CPAMD8: variants seen among roughly 807,000 people sequenced by gnomAD.
CPAMD8 encodes C3 and PZP-like alpha-2-macroglobulin domain-containing protein 8.
Under a neutral mutation model 224.7 loss-of-function variants are expected in CPAMD8, and 146 were observed. That is an observed-to-expected ratio of 0.65 (90% CI 0.57 to 0.75). The LOEUF (loss-of-function observed/expected upper bound fraction) is 0.75. Ranked by LOEUF, CPAMD8 falls within the 30% of genes least tolerant of loss-of-function variation. CPAMD8 has a pLI of 0.00. For missense variants in CPAMD8, 2,301 were observed against 2,537.5 expected, an observed-to-expected ratio of 0.91 and a Z score of 2.00; for synonymous variants, 966 against 1,044.6, an observed-to-expected ratio of 0.92 and a Z score of 1.45.
intron 13 of CPAMD8, among the ~76,000 whole-genome samples, chr19:16,986,564 A>C (rs2055728881): frequency 1.3e-5 from 2 of 152,220 alleles, no homozygotes; most frequent in African/African-American, 4.8e-5. Flanking sequence ...TCATTCTTAC[A>C]ACCTCTGCAA....
At chr19:16,963,732 GAA>G (rs2054729875) in intron 18 of CPAMD8, among the ~76,000 whole-genome samples, 1 of 152,126 alleles carries the variant, frequency 6.6e-6, no homozygotes, top group Non-Finnish European at 1.5e-5. Context: ...TAAATCAACA[GAA>G]TATACATTCT....
intron 25 of CPAMD8, among the ~76,000 whole-genome samples, chr19:16,927,593 A>AC (rs1335621079): frequency 6.7e-6 from 1 of 149,976 alleles, no homozygotes; most frequent in Non-Finnish European, 1.5e-5. Flanking sequence ...CATCACCAAG[A>AC]CCCCCCAGGC....
intron 19 of CPAMD8, among the ~76,000 whole-genome samples, chr19:16,953,282 A>C (rs527369939): frequency 1.3e-5 from 2 of 152,056 alleles, no homozygotes. Flanking sequence ...ACAGGGCAAA[A>C]GCTTCATGAC....
chr19:16,979,482 C>T lies in CPAMD8; in HGVS notation c.1585+1015G>A, dbSNP rs1186397270. ...TCCATCTGTCCATTCATCCATCCATCCATCCTTCTGTCCATCCATCTTTTG... is the reference window on the plus strand; with the variant it reads ...TCCATCTGTCCATTCATCCATCCATTCATCCTTCTGTCCATCCATCTTTTG... On this transcript the variant is annotated intron_variant, in intron 14 of 41. Coordinates refer to ENST00000443236, the MANE Select transcript of CPAMD8 (RefSeq NM_015692.5). Among the ~76,000 whole-genome samples the T allele has an allele frequency of 3.4e-5, 4 of 117,084 alleles. No individual in the cohort carries two copies. In the East Asian group the frequency reaches 8.3e-4, roughly 24 times the overall value. The allele number at this position is 117,084 out of a possible 152,430, so 76.8% of individuals were successfully genotyped here.
chr19:16,903,756 G>T lies in CPAMD8; in HGVS notation c.4353C>A (p.Tyr1451Ter). The T allele has an allele frequency of 1.9e-6, 3 of 1,614,198 alleles. No homozygotes were observed. Among genetic ancestry groups the T allele is most frequent in the Non-Finnish European group, 2.5e-6 (3 of 1,180,036 alleles). ...TVSLASTNLD[Y>*]QETFELHRTN... ...TCCTGTGCAGCTCGAAGGTTTCCTG[G>T]TAGTCCAGGTTGGTGGAGGCCAGGG... is the stretch of plus-strand genomic sequence containing the variant. Residue 1451 changes from tyrosine (Y) to a stop codon, truncating the protein, a stop_gained, in exon 33 of 42, where the codon TAC becomes TAA. Transcript: ENST00000443236. LOFTEE classifies it high-confidence loss of function.
At chr19:16,985,302 T>A (rs2055675221) in intron 13 of CPAMD8, among the ~76,000 whole-genome samples, 1 of 145,122 alleles carries the variant, frequency 6.9e-6, no homozygotes, top group Non-Finnish European at 1.5e-5. Context: ...AGGGTGCATG[T>A]ATGGATGGAT....
chr19:16,909,062 C>T (rs2052627468), intron 29 of CPAMD8, among the ~76,000 whole-genome samples: 1 of 152,110 alleles, frequency 6.6e-6, no homozygotes, highest in Non-Finnish European at 1.5e-5. Flanking sequence ...TTGCTGGTTG[C>T]CCCCCAGCTC....
intron 22 of CPAMD8, among the ~76,000 whole-genome samples, chr19:16,939,004 C>T (rs2053788799): frequency 6.6e-6 from 1 of 152,118 alleles, no homozygotes; most frequent in Admixed American, 6.5e-5. Flanking sequence ...AAAGGGATGC[C>T]CAGAATTTAA....
intron 15 of CPAMD8, among the ~76,000 whole-genome samples, chr19:16,977,144 G>T (rs6512152): frequency 6.6e-6 from 1 of 152,096 alleles, no homozygotes; most frequent in East Asian, 1.9e-4. Context: ...ATTCAACAAA[G>T]GCAGAGAATA....
chr19:16,914,259 A>G (rs1275881954), intron 29 of CPAMD8, among the ~76,000 whole-genome samples, 165 bp downstream of exon 29: 1 of 151,778 alleles, frequency 6.6e-6, no homozygotes, highest in Non-Finnish European at 1.5e-5. Flanking sequence ...ATTACAAGAA[A>G]CTGGATGTAA....
In CPAMD8 at chr19:16,915,205, AG is replaced by A. The variant is rs1459559110; in HGVS notation, c.3630-393del. 4.0e-5 allele frequency among the ~76,000 whole-genome samples: 6 copies of A among 151,250 alleles called. 1 individual carries two copies. In the East Asian group the frequency reaches 9.8e-4, roughly 25 times the overall value. ...TGCCAAAAGGCCCCTGATCTCATTC[AG>A]GGGCCAGCAGCCATGTGCCCTGGAG... On this transcript the variant is annotated intron_variant, in intron 27 of 41. Coordinates refer to ENST00000443236, the MANE Select transcript of CPAMD8 (RefSeq NM_015692.5).
At position 16,893,330 on chromosome 19, in the gene CPAMD8, G is replaced by A. The variant is rs748129087; in HGVS notation, c.5436C>T (p.Ala1812=). The part of the protein sequence containing the change: ...PEGEAEDRVT[A]GPRPPVSSGN... ...CGCTGCTCACAGGAGGCCGAGGCCC[G>A]GCTGTGACCCTGGAGATGAGGTTTT... Residue 1812 remains alanine, a synonymous_variant, in exon 42 of 42, where the codon GCC becomes GCT. Coordinates refer to ENST00000443236, the MANE Select transcript of CPAMD8 (RefSeq NM_015692.5). The A allele has an allele frequency of 1.7e-5, 26 of 1,530,770 alleles. No individual in the cohort carries two copies. In the Admixed American group the frequency reaches 2.6e-4, roughly 15 times the overall value. 94.8% of individuals were successfully genotyped at this position (1,530,770 alleles called of 1,614,324 possible).
chr19:17,002,655 C>T, intron 8 of CPAMD8: 1 of 253,590 alleles, frequency 3.9e-6, no homozygotes. Context: ...GGAGGCTCCT[C>T]CTAGCCCCTG....
At chr19:16,992,475 G>C (rs1447340572) in intron 12 of CPAMD8, among the ~76,000 whole-genome samples, 1 of 151,626 alleles carries the variant, frequency 6.6e-6, no homozygotes, top group East Asian at 1.9e-4. Flanking sequence ...TTTTTGAGAT[G>C]GAGTCTCACT....
At chr19:17,002,751 T>G (rs73499141) in intron 8 of CPAMD8, among the ~76,000 whole-genome samples, 1,775 of 152,140 alleles carry the variant, frequency 0.012, 32 homozygotes, top group African/African-American at 0.041. Flanking sequence ...TTTCTCCATT[T>G]GCTTCTGGAC....
chr19:16,897,789 G>T lies in CPAMD8; in HGVS notation c.4967C>A (p.Thr1656Asn). The T allele has an allele frequency of 6.3e-7, 1 of 1,585,572 alleles. No individual in the cohort carries two copies. The highest frequency in any genetic ancestry group is 1.8e-5 in the Admixed American group (1 of 54,752). The change falls in exon 39 of 42, where the codon ACT becomes AAT. Residue 1656 changes from threonine to asparagine, a missense_variant. Transcript: ENST00000443236. ...YDYYEPAFEA[T>N]RFYNVSTHSP... ...GTGGGTGCTGACGTTGTAGAAGCGAGTGGCCTCGAAGGCTACGGGACGAGG... is the reference window on the plus strand; with the variant it reads ...GTGGGTGCTGACGTTGTAGAAGCGATTGGCCTCGAAGGCTACGGGACGAGG...
intron 3 of CPAMD8, among the ~76,000 whole-genome samples, chr19:17,014,554 C>T (rs142008422): frequency 7.9e-5 from 12 of 152,270 alleles, no homozygotes; most frequent in Non-Finnish European, 1.3e-4. Context: ...CACAGTTTCA[C>T]GTGGCTGGGG....
In CPAMD8 at chr19:16,947,073, C is replaced by T; in HGVS notation, c.2662+1G>A. On this transcript the variant is annotated splice_donor_variant, in intron 21 of 41. Coordinates refer to ENST00000443236, the MANE Select transcript of CPAMD8 (RefSeq NM_015692.5). LOFTEE classifies it high-confidence loss of function. ...CACCCCAAGAACTGTGGGGTCCTCACCCGTGATGTTGTTGAGTCCCAGGTC... is the reference window on the plus strand; with the variant it reads ...CACCCCAAGAACTGTGGGGTCCTCATCCGTGATGTTGTTGAGTCCCAGGTC... 7 of 1,603,780 alleles carry T rather than the reference C, an allele frequency of 4.4e-6. No individual in the cohort carries two copies. The highest frequency in any genetic ancestry group is 6.0e-6 in the Non-Finnish European group (7 of 1,174,262).
intron 29 of CPAMD8, among the ~76,000 whole-genome samples, chr19:16,908,495 G>T (rs906113899): frequency 6.6e-6 from 1 of 152,190 alleles, no homozygotes; most frequent in African/African-American, 2.4e-5. Context: ...CCTAGAATGT[G>T]ATCTGTTGGA....
Sources: allele counts gnomAD v4.1 joint callset (sites outside exome capture counted in the v4.1 genomes callset), GRCh38; gene constraint gnomAD v4.1.1; transcripts MANE v1.5; gene names NCBI Gene and HGNC (gene_info 2026-07-23, HGNC 2026-07-21).